Variants in DGLUCY observed in about 807,000 individuals in gnomAD.
DGLUCY encodes the protein D-glutamate cyclase, mitochondrial.
A neutral mutation model predicts 58.5 loss-of-function variants in DGLUCY; 58 were observed. The ratio of observed to expected loss-of-function variants is 0.99; its 90% CI spans 0.80 to 1.23. The LOEUF (loss-of-function observed/expected upper bound fraction) is 1.23. DGLUCY is among the 50% of genes most tolerant of loss of function. The probability of loss-of-function intolerance (pLI) is 0.00; values close to 1 mark genes in which losing one functional copy is unlikely to be tolerated. For missense variants in DGLUCY, 779 were observed against 784.7 expected (o/e 0.99, Z 0.09); for synonymous variants, 325 against 314.1 (o/e 1.03, Z -0.37).
intron 1 of DGLUCY, among the ~76,000 whole-genome samples, chr14:91,094,128 C>T (rs1345779698): frequency 6.6e-6 from 1 of 152,062 alleles, no homozygotes; most frequent in Non-Finnish European, 1.5e-5. Flanking sequence ...CCACAATTTA[C>T]AACAAAAGTC....
chr14:91,162,254 A>G (rs1188129904), intron 3 of DGLUCY, among the ~76,000 whole-genome samples: 1 of 152,144 alleles, frequency 6.6e-6, no homozygotes, highest in East Asian at 1.9e-4. Context: ...TTTCAATCAA[A>G]TTAGAAATGT....
Position 91,145,342 on chromosome 14 carries a change from A to G in DGLUCY, c.-81-12297A>G, listed in dbSNP as rs568083027. Reference sequence around the variant, plus strand: ...ACCACATTGGGGTTTTCTCCAGGACATGAGAATTCCTTTGTCCTGTGTATC... The same window carrying G: ...ACCACATTGGGGTTTTCTCCAGGACGTGAGAATTCCTTTGTCCTGTGTATC... On this transcript the variant is annotated intron_variant, in intron 1 of 13. Coordinates refer to ENST00000256324, the MANE Select transcript of DGLUCY (RefSeq NM_001102368.3). 7 of 152,370 alleles carry G rather than the reference A, an allele frequency of 4.6e-5. No homozygotes were observed. In the South Asian group the frequency reaches 6.2e-4, roughly 14 times the overall value. The allele number at this position is 152,370 out of a possible 1,614,324, so 9.4% of individuals were successfully genotyped here.
chr14:91,088,670 C>T (rs1029534796), intron 1 of DGLUCY, among the ~76,000 whole-genome samples: 8 of 152,222 alleles, frequency 5.3e-5, no homozygotes, highest in South Asian at 2.1e-4. Context: ...CCATAGGGTT[C>T]CCCTAAGCAG....
chr14:91,097,021 G>A (rs983551321), intron 1 of DGLUCY, among the ~76,000 whole-genome samples: 1 of 152,218 alleles, frequency 6.6e-6, no homozygotes, highest in Non-Finnish European at 1.5e-5. Context: ...GACTGGTGGT[G>A]GTTGCCTTGG....
At chr14:91,162,342 TCA>T (rs2048040041) in intron 3 of DGLUCY, among the ~76,000 whole-genome samples, 1 of 152,164 alleles carries the variant, frequency 6.6e-6, no homozygotes, top group Non-Finnish European at 1.5e-5. Flanking sequence ...GAGAAATCAC[TCA>T]GTTTATCTAC....
chr14:91,141,085 A>C (rs1040012845), intron 1 of DGLUCY, among the ~76,000 whole-genome samples: 4 of 152,104 alleles, frequency 2.6e-5, no homozygotes, highest in Non-Finnish European at 5.9e-5. Flanking sequence ...TAAGTGTTAT[A>C]GAAAAAGAAT....
chr14:91,162,642 A>T (rs1003684771), intron 3 of DGLUCY, among the ~76,000 whole-genome samples: 1 of 152,210 alleles, frequency 6.6e-6, no homozygotes, highest in African/African-American at 2.4e-5. Flanking sequence ...CACGCCTGTA[A>T]TCCCAGCACT....
intron 8 of DGLUCY, among the ~76,000 whole-genome samples, chr14:91,182,745 C>G: frequency 6.6e-6 from 1 of 152,158 alleles, no homozygotes; most frequent in East Asian, 1.9e-4. Flanking sequence ...CAGGACCCTA[C>G]AGCCACAGCC....
At chr14:91,143,049 A>AG (rs2046810975) in intron 1 of DGLUCY, among the ~76,000 whole-genome samples, 1 of 134,732 alleles carries the variant, frequency 7.4e-6, no homozygotes, top group Non-Finnish European at 1.6e-5. Context: ...AAAAAAAAAA[A>AG]GGATCTAATG....
chr14:91,169,988 C>T lies in DGLUCY; in HGVS notation c.258-15C>T. 2 of 1,611,356 alleles carry T rather than the reference C, an allele frequency of 1.2e-6. No individual in the cohort carries two copies. Among genetic ancestry groups the T allele is most frequent in the African/African-American group, 2.7e-5 (2 of 74,972 alleles). ...AGAGTCTGGGGCCCTCCCAGCTTTC[C>T]CCTTATGTCCCCAGGATGGGCCATC... On this transcript the variant is annotated splice_polypyrimidine_tract_variant and intron_variant, in intron 4 of 13. Coordinates refer to ENST00000256324, the MANE Select transcript of DGLUCY (RefSeq NM_001102368.3).
At chr14:91,169,375 C>T (rs1487150573) in intron 4 of DGLUCY, among the ~76,000 whole-genome samples, 1 of 151,822 alleles carries the variant, frequency 6.6e-6, no homozygotes, top group Non-Finnish European at 1.5e-5. Context: ...ACCTCTATAG[C>T]AGAGAGGCCA....
chr14:91,096,425 G>A (rs1399163576), intron 1 of DGLUCY, among the ~76,000 whole-genome samples: 2 of 142,782 alleles, frequency 1.4e-5, no homozygotes, highest in African/African-American at 5.0e-5. Flanking sequence ...CCATCTCAGG[G>A]CCGGGGGTGG....
intron 7 of DGLUCY, among the ~76,000 whole-genome samples, chr14:91,176,754 A>T (rs1260361884): frequency 6.6e-6 from 1 of 151,948 alleles, no homozygotes; most frequent in Non-Finnish European, 1.5e-5. Context: ...GGTGCATGCC[A>T]CCACACCTGG....
intron 1 of DGLUCY, among the ~76,000 whole-genome samples, chr14:91,101,171 A>G (rs1208038482): frequency 2.6e-5 from 4 of 152,212 alleles, no homozygotes; most frequent in Non-Finnish European, 5.9e-5. Context: ...TTGATAGATC[A>G]GTGGGGTAAC....
intron 8 of DGLUCY, among the ~76,000 whole-genome samples, chr14:91,183,658 G>A (rs2049318274): frequency 6.6e-6 from 1 of 152,150 alleles, no homozygotes; most frequent in African/African-American, 2.4e-5. Flanking sequence ...ACTCTACGTG[G>A]AGGCAGCTAT....
intron 1 of DGLUCY, among the ~76,000 whole-genome samples, chr14:91,074,114 T>TACACACACACACACACACAC (rs1326685656): frequency 6.2e-5 from 4 of 64,462 alleles, no homozygotes; most frequent in Non-Finnish European, 1.2e-4. Context: ...AATATATATA[T>TACACACACACACACACACAC]ATATACACAC....
chr14:91,130,773 C>T (rs536536667), intron 1 of DGLUCY, among the ~76,000 whole-genome samples: 1 of 152,160 alleles, frequency 6.6e-6, no homozygotes, highest in South Asian at 2.1e-4. Flanking sequence ...TGTGCACCAC[C>T]ACACCCAGCT....
intron 1 of DGLUCY, among the ~76,000 whole-genome samples, chr14:91,085,552 G>GT (rs112213563): frequency 0.058 from 7,864 of 134,832 alleles, 635 homozygotes; most frequent in African/African-American, 0.19. Context: ...AAGTTCCTTT[G>GT]TTTTTTTTTT....
At chr14:91,103,564 A>G (rs555588813), upstream of DGLUCY, among the ~76,000 whole-genome samples, 90 of 152,226 alleles carry the variant, frequency 5.9e-4, no homozygotes, top group Admixed American at 1.6e-3. Context: ...CTCTTATACC[A>G]GAGCAAATGT....
Sources: allele counts gnomAD v4.1 joint callset (sites outside exome capture counted in the v4.1 genomes callset), GRCh38; gene constraint gnomAD v4.1.1; transcripts MANE v1.5; gene names NCBI Gene and HGNC (gene_info 2026-07-23, HGNC 2026-07-21).